ZNF12: variants seen among roughly 807,000 people sequenced by gnomAD.
The protein encoded by ZNF12 is zinc finger protein 12.
Under a neutral mutation model 66.6 loss-of-function variants are expected in ZNF12, and 34 were observed. The ratio of observed to expected loss-of-function variants is 0.51; its 90% CI spans 0.39 to 0.68. ZNF12 has a LOEUF of 0.68. Ranked by LOEUF, ZNF12 falls within the 30% of genes least tolerant of loss-of-function variation. The pLI is 0.00. For missense variants in ZNF12, 697 were observed against 826.9 expected, an observed-to-expected ratio of 0.84 and a Z score of 1.93; for synonymous variants, 320 against 278.9, an observed-to-expected ratio of 1.15 and a Z score of -1.47.
rs1780336637 is a variant in ZNF12 at position 6,705,318 on chromosome 7, A to C, written c.-50-95T>G. ...AAAACCTACACAGAAAGTTCCAAGA[A>C]GTACATCTTGTGGGAGACTGTCCCT... On this transcript the variant is annotated intron_variant, in intron 1 of 4. Transcript: ENST00000405858. The surrounding 1 kb of genome is among the most constrained non-coding windows in gnomAD (Gnocchi z 4.0). 2 of 894,156 alleles carry C rather than the reference A, an allele frequency of 2.2e-6. No homozygotes were observed. The highest frequency in any genetic ancestry group is 2.3e-5 in the Admixed American group (1 of 43,038). 55.4% of individuals were successfully genotyped at this position (894,156 alleles called of 1,614,324 possible). A position where few individuals can be genotyped will look rare whatever the true frequency, so the allele number is the denominator to read the frequency against.
rs1183354131 is a variant in ZNF12 at position 6,705,055 on chromosome 7, G to C, written c.15+104C>G. 1.2e-5 allele frequency: 16 copies of C among 1,358,962 alleles called. No individual in the cohort carries two copies. In the Admixed American group the frequency reaches 1.5e-4, roughly 12 times the overall value. 84.2% of individuals were successfully genotyped at this position (1,358,962 alleles called of 1,614,324 possible). ...CTACTGTTCTGTCTGACCAAATCTT[G>C]TATCTATTTCTACTTTCCCATTTTA... is the stretch of plus-strand genomic sequence containing the variant. On this transcript the variant is annotated intron_variant, in intron 2 of 4. Transcript: ENST00000405858. This position sits in a 1 kb window ranked among gnomAD's most constrained non-coding sequence, Gnocchi z 4.0.
Position 6,697,210 on chromosome 7 carries a change from G to T in ZNF12, c.238+129C>A. 1.6e-6 allele frequency: 1 copy of T among 608,816 alleles called. No individual in the cohort carries two copies. Among genetic ancestry groups the T allele is most frequent in the Non-Finnish European group, 2.7e-6 (1 of 365,474 alleles). 37.7% of individuals were successfully genotyped at this position (608,816 alleles called of 1,614,324 possible). Reference sequence around the variant, plus strand: ...ACGGGGAAGGAAGAAGTCTTTGGGAGTGAGATTCAGGTTCATAGAGCATAT... The same window carrying T: ...ACGGGGAAGGAAGAAGTCTTTGGGATTGAGATTCAGGTTCATAGAGCATAT... On this transcript the variant is annotated intron_variant, in intron 4 of 4. Transcript: ENST00000405858. The surrounding 1 kb of genome is among the most constrained non-coding windows in gnomAD (Gnocchi z 6.1).
At chr7:6,700,395 C>G (rs1300437519) in intron 2 of ZNF12, among the ~76,000 whole-genome samples, 1 of 150,912 alleles carries the variant, frequency 6.6e-6, no homozygotes, top group African/African-American at 2.4e-5. Context: ...TAGAAATAAC[C>G]AAACCATTTC....
At chr7:6,703,356 A>G (rs1000928668) in intron 2 of ZNF12, among the ~76,000 whole-genome samples, 1 of 152,170 alleles carries the variant, frequency 6.6e-6, no homozygotes, top group African/African-American at 2.4e-5. Flanking sequence ...AATCTCTACA[A>G]CAGTAGAGAG....
chr7:6,705,163 G>T lies in ZNF12; in HGVS notation c.11C>A (p.Ser4Tyr). 1 of 1,613,650 alleles carries T rather than the reference G, an allele frequency of 6.2e-7. No individual in the cohort carries two copies. The highest frequency in any genetic ancestry group is 8.5e-7 in the Non-Finnish European group (1 of 1,179,694). MNK[S>Y]LGPVSFKDVA... ...TACATGAACAGAAACACTCACCAGG[G>T]ATTTATTCATTTTCTGCTGCTCTTG... The change falls in exon 2 of 5, where the codon TCC (serine) becomes TAC (tyrosine). Residue 4 changes from serine to tyrosine, a missense_variant. Coordinates refer to ENST00000405858, the MANE Select transcript of ZNF12 (RefSeq NM_016265.4). The surrounding 1 kb of genome is among the most constrained non-coding windows in gnomAD (Gnocchi z 4.0).
At position 6,690,850 on chromosome 7, in the gene ZNF12, A is replaced by C; in HGVS notation, c.2092T>G (p.Ter698GlyextTer21). The C allele has an allele frequency of 6.2e-7, 1 of 1,605,142 alleles. No individual in the cohort carries two copies. Among genetic ancestry groups the C allele is most frequent in the Non-Finnish European group, 8.5e-7 (1 of 1,175,486 alleles). The change falls in exon 5 of 5, where the codon TGA becomes GGA. Residue 698 changes from the stop codon to glycine (G), a stop_lost. Transcript: ENST00000405858. ...CTGATATAAAATGAGGTCTGACTTC[A>C]GAGAAGCCTTCCCACATCTATTACA... ...MNVIDVGRLL[*>G]
chr7:6,706,932 A>G lies in ZNF12; in HGVS notation c.-551T>C, dbSNP rs1583470931. 3 of 410,082 alleles carry G rather than the reference A, an allele frequency of 7.3e-6. No individual in the cohort carries two copies. The highest frequency in any genetic ancestry group is 1.3e-4 in the East Asian group (1 of 7,786). The allele number at this position is 410,082 out of a possible 1,614,324, so 25.4% of individuals were successfully genotyped here. On this transcript the variant is annotated 5_prime_UTR_variant, in exon 1 of 5. Coordinates refer to ENST00000405858, the MANE Select transcript of ZNF12 (RefSeq NM_016265.4). ...GGCGAGCGGTGACCTGGGGACGCACAGGAAGCGAGGGCACTGCGGCCGCGG... is the reference window on the plus strand; with the variant it reads ...GGCGAGCGGTGACCTGGGGACGCACGGGAAGCGAGGGCACTGCGGCCGCGG...
At chr7:6,704,198 G>C (rs1022619178) in intron 2 of ZNF12, 3 of 151,974 alleles carry the variant, frequency 2.0e-5, no homozygotes, top group Non-Finnish European at 4.4e-5. Flanking sequence ...AATGAGCTGG[G>C]TGTGGTGGCA....
At position 6,697,747 on chromosome 7, in the gene ZNF12, G is replaced by A. The variant is rs1422794218; in HGVS notation, c.80C>T (p.Pro27Leu). ...FTQEEWQQLDPEQKITYRDVM... is the reference protein window; with the variant it reads ...FTQEEWQQLDLEQKITYRDVM... The stretch of plus-strand genomic sequence containing the variant: ...ATCCCTGTAAGTTATCTTCTGCTCA[G>A]GATCCAGCTGCTGCCATTCCTCCTG... The change falls in exon 3 of 5, where the codon CCT becomes CTT. Residue 27 changes from proline to leucine, a missense_variant. By Grantham distance (98) the Pro-to-Leu change is moderately conservative (BLOSUM62 -3). Around this residue, in one of 3 missense-constraint regions of ZNF12, gnomAD observed 55 missense variants for 83.9 expected, o/e 0.66. Transcript: ENST00000405858. This position sits in a 1 kb window ranked among gnomAD's most constrained non-coding sequence, Gnocchi z 6.1. 1 of 1,614,142 alleles carries A rather than the reference G, an allele frequency of 6.2e-7. No homozygotes were observed.
chr7:6,702,949 G>A (rs117663320), intron 2 of ZNF12, among the ~76,000 whole-genome samples: 73 of 98,378 alleles, frequency 7.4e-4, no homozygotes, highest in Middle Eastern at 6.8e-3. Flanking sequence ...CACCAGATTC[G>A]TGTCCCAAAA....
chr7:6,697,637 T>C lies in ZNF12; in HGVS notation c.142+48A>G. Reference sequence around the variant, plus strand: ...TTTTAAGTTAAAGTCATAAAATTTGTGAGAAATCCCATATATTTTAGCAAC... The same window carrying C: ...TTTTAAGTTAAAGTCATAAAATTTGCGAGAAATCCCATATATTTTAGCAAC... On this transcript the variant is annotated intron_variant, in intron 3 of 4. Coordinates refer to ENST00000405858, the MANE Select transcript of ZNF12 (RefSeq NM_016265.4). The surrounding 1 kb of genome is among the most constrained non-coding windows in gnomAD (Gnocchi z 6.1). The C allele has an allele frequency of 1.2e-6, 2 of 1,607,850 alleles. No individual in the cohort carries two copies. The highest frequency in any genetic ancestry group is 1.7e-6 in the Non-Finnish European group (2 of 1,176,272).
At position 6,706,622 on chromosome 7, in the gene ZNF12, C is replaced by T. The variant is rs1562604235; in HGVS notation, c.-241G>A. The T allele has an allele frequency of 1.6e-5, 7 of 441,962 alleles. No homozygotes were observed. Among genetic ancestry groups the T allele is most frequent in the Non-Finnish European group, 1.8e-5 (4 of 219,392 alleles). The allele number at this position is 441,962 out of a possible 1,614,324, so 27.4% of individuals were successfully genotyped here. A position where few individuals can be genotyped will look rare whatever the true frequency, so the allele number is the denominator to read the frequency against. ...CGTCCCTCCCGGAGCCCAGATCCGT[C>T]TCCCTGGGGCTCACCGTCCTGCGGA... On this transcript the variant is annotated 5_prime_UTR_variant, in exon 1 of 5. Coordinates refer to ENST00000405858, the MANE Select transcript of ZNF12 (RefSeq NM_016265.4).
chr7:6,695,675 C>G (rs1324201707), intron 4 of ZNF12, among the ~76,000 whole-genome samples: 6 of 152,218 alleles, frequency 3.9e-5, no homozygotes, highest in Non-Finnish European at 8.8e-5. Context: ...GGACTATGAT[C>G]CAAGAGCAAA....
At chr7:6,700,302 T>TACACACACACACACACAC (rs780908025) in intron 2 of ZNF12, among the ~76,000 whole-genome samples, 12 of 83,876 alleles carry the variant, frequency 1.4e-4, no homozygotes, top group African/African-American at 6.6e-4. Context: ...AAAAAAAAAA[T>TACACACACACACACACAC]ATACACACAC....
At chr7:6,703,702 A>G (rs1387028931) in intron 2 of ZNF12, among the ~76,000 whole-genome samples, 3 of 152,212 alleles carry the variant, frequency 2.0e-5, no homozygotes, top group African/African-American at 7.2e-5. Flanking sequence ...GCTGGTAGTT[A>G]GAAGCACAGG....
Position 6,705,007 on chromosome 7 carries a change from A to G in ZNF12, c.15+152T>C, listed in dbSNP as rs1242778117. Among the ~76,000 whole-genome samples, 5 of 152,328 alleles carry G rather than the reference A, an allele frequency of 3.3e-5. No homozygotes were observed. The highest frequency in any genetic ancestry group is 9.6e-5 in the African/African-American group (4 of 41,572). On this transcript the variant is annotated intron_variant, in intron 2 of 4. Transcript: ENST00000405858. This position sits in a 1 kb window ranked among gnomAD's most constrained non-coding sequence, Gnocchi z 4.0. The stretch of plus-strand genomic sequence containing the variant: ...CACGCTATCTGCGCATATGAATATG[A>G]TAAAAAGGCTTGGTGCTGATGGCTA...
At chr7:6,706,013 A>C in intron 1 of ZNF12, among the ~76,000 whole-genome samples, 1 of 152,194 alleles carries the variant, frequency 6.6e-6, no homozygotes, top group East Asian at 1.9e-4. Context: ...AACCTCGGAC[A>C]AGTCACCCAC....
chr7:6,697,428 T>C lies in ZNF12; in HGVS notation c.149A>G (p.His50Arg), dbSNP rs1277014525. The C allele has an allele frequency of 1.7e-5, 28 of 1,611,324 alleles. No individual in the cohort carries two copies. The highest frequency in any genetic ancestry group is 2.3e-5 in the Non-Finnish European group (27 of 1,178,780). ...NYSNLVSVGY[H>R]IIKPDVISKL... Reference sequence around the variant, plus strand: ...GCTGATAACATCCGGTTTGATAATGTGATACCCTGTTAATGAGAAATGAAA... The same window carrying C: ...GCTGATAACATCCGGTTTGATAATGCGATACCCTGTTAATGAGAAATGAAA... The change falls in exon 4 of 5, where the codon CAC becomes CGC. Residue 50 changes from histidine to arginine, a missense_variant. Around this residue, in one of 3 missense-constraint regions of ZNF12, gnomAD observed 55 missense variants for 83.9 expected, o/e 0.66. Coordinates refer to ENST00000405858, the MANE Select transcript of ZNF12 (RefSeq NM_016265.4). The surrounding 1 kb of genome is among the most constrained non-coding windows in gnomAD (Gnocchi z 6.1).
chr7:6,700,956 G>T (rs1261492022), intron 2 of ZNF12: 3 of 125,970 alleles, frequency 2.4e-5, no homozygotes, highest in Non-Finnish European at 5.7e-5. Context: ...GCATTCATTT[G>T]TTCGTTTGTT....
Sources: gnomAD v4.1 joint callset for allele counts (sites outside exome capture counted in the v4.1 genomes callset) on GRCh38, gnomAD v4.1.1 for gene constraint, gnomAD v4.1.1 regional missense constraint, Gnocchi (gnomAD v3.1) non-coding constraint, MANE v1.5 for transcripts, NCBI Gene and HGNC (gene_info 2026-07-23, HGNC 2026-07-21) for gene names.